Variants in SLIT3 observed in about 807,000 individuals in gnomAD.
The protein encoded by SLIT3 is slit homolog 3 protein.
A neutral mutation model predicts 184.0 loss-of-function variants in SLIT3; 68 were observed. The ratio of observed to expected loss-of-function variants is 0.37; its 90% CI spans 0.30 to 0.45. The LOEUF (loss-of-function observed/expected upper bound fraction) is 0.45, where lower values mean the gene tolerates loss of function less well. Among genes scored for constraint, SLIT3 ranks in the 20% least tolerant of loss-of-function variants. The pLI, the probability that SLIT3 is intolerant of heterozygous loss-of-function variation, is 1.00. For missense variants in SLIT3, 1,707 were observed against 2,026.0 expected (o/e 0.84, Z 3.02); for synonymous variants, 831 against 828.6 (o/e 1.00, Z -0.05).
intron 4 of SLIT3, among the ~76,000 whole-genome samples, chr5:168,887,835 C>G (rs571478472): frequency 6.6e-6 from 1 of 152,310 alleles, no homozygotes; most frequent in African/African-American, 2.4e-5. Flanking sequence ...CCATTTAGCA[C>G]TGGATTGACA....
At chr5:168,859,220 C>G (rs995320413) in intron 5 of SLIT3, among the ~76,000 whole-genome samples, 1 of 152,066 alleles carries the variant, frequency 6.6e-6, no homozygotes, top group Non-Finnish European at 1.5e-5. Context: ...ATTAACCCCT[C>G]CAAGAAGAGA....
chr5:168,884,986 T>C (rs1173470051), intron 4 of SLIT3, among the ~76,000 whole-genome samples: 1 of 152,096 alleles, frequency 6.6e-6, no homozygotes, highest in Non-Finnish European at 1.5e-5. Context: ...CCAGTTATAT[T>C]TGGCAGGAGA....
chr5:169,048,517 T>G (rs914800562), intron 4 of SLIT3, among the ~76,000 whole-genome samples: 1 of 152,190 alleles, frequency 6.6e-6, no homozygotes, highest in African/African-American at 2.4e-5. Context: ...TGGATTTCCT[T>G]AAACCAGCCA....
At chr5:168,844,743 A>G (rs915880290) in intron 5 of SLIT3, 88 bp from the exon 6 acceptor site, 2 of 1,218,266 alleles carry the variant, frequency 1.6e-6, no homozygotes, top group African/African-American at 3.0e-5. Flanking sequence ...CTGTCCCTCC[A>G]CCCCCTTGCA....
intron 4 of SLIT3, among the ~76,000 whole-genome samples, chr5:169,103,481 G>C (rs1198926686): frequency 3.9e-5 from 6 of 152,170 alleles, no homozygotes; most frequent in Non-Finnish European, 5.9e-5. Context: ...AACTCTGCCT[G>C]GTGAGTTTTG....
intron 4 of SLIT3, among the ~76,000 whole-genome samples, chr5:168,888,989 C>T (rs891038023): frequency 6.6e-5 from 10 of 152,328 alleles, no homozygotes; most frequent in Admixed American, 3.9e-4. Context: ...ACTCTCAATA[C>T]TACCATCTTA....
rs115551190 is a variant in SLIT3, at chr5:169,006,632, A to C, written c.414-123296T>G. 1.2e-3 allele frequency among the ~76,000 whole-genome samples: 165 copies of C among 133,038 alleles called. 2 individuals are homozygous for C. The highest frequency in any genetic ancestry group is 4.1e-3 in the African/African-American group (137 of 33,508). The allele number at this position is 133,038 out of a possible 152,430, so 87.3% of individuals were successfully genotyped here. ...ACACACACACACACACACACACACAACTCTCCAAGCACAAAGAGCTGACAA... is the reference window on the plus strand; with the variant it reads ...ACACACACACACACACACACACACACCTCTCCAAGCACAAAGAGCTGACAA... On this transcript the variant is annotated intron_variant, in intron 4 of 35. Coordinates refer to ENST00000519560, the MANE Select transcript of SLIT3 (RefSeq NM_003062.4).
At chr5:169,112,725 C>G (rs146496614) in intron 4 of SLIT3, among the ~76,000 whole-genome samples, 289 of 152,268 alleles carry the variant, frequency 1.9e-3, no homozygotes, top group African/African-American at 6.7e-3. Context: ...CAGAGAGGGG[C>G]ACCCAATGGG....
At chr5:168,889,359 A>G (rs1278794930) in intron 4 of SLIT3, among the ~76,000 whole-genome samples, 1 of 152,214 alleles carries the variant, frequency 6.6e-6, no homozygotes, top group Non-Finnish European at 1.5e-5. Context: ...CCTTTGTCTG[A>G]GGAAGATTAC....
intron 4 of SLIT3, among the ~76,000 whole-genome samples, chr5:168,933,706 G>T (rs2113174515): frequency 6.6e-6 from 1 of 152,330 alleles, no homozygotes; most frequent in Admixed American, 6.5e-5. Context: ...CCGAAGCATT[G>T]ATGTGAGTAA....
chr5:168,762,751 TGGGTAGTGGGGGTGGGAGACAGAGATG>T, intron 14 of SLIT3, 62 bp from the exon 15 acceptor site: 1 of 1,556,304 alleles, frequency 6.4e-7, no homozygotes, highest in South Asian at 1.1e-5. Flanking sequence ...CCCCAGGTTG[TGGGTAGTGGGGGTGGGAGACAGAGATG>T]GGGGAATGAG....
chr5:168,847,368 A>G (rs1194824090), intron 5 of SLIT3, among the ~76,000 whole-genome samples: 3 of 152,202 alleles, frequency 2.0e-5, no homozygotes, highest in African/African-American at 7.2e-5. Flanking sequence ...TCCAACCATG[A>G]TGGTCAAGGA....
chr5:168,826,364 G>A (rs764800032), intron 6 of SLIT3, among the ~76,000 whole-genome samples: 1 of 152,170 alleles, frequency 6.6e-6, no homozygotes, highest in Non-Finnish European at 1.5e-5. Context: ...TACAGTTTTC[G>A]TTTCCCTAAT....
chr5:169,010,711 G>A (rs1379810568), intron 4 of SLIT3, among the ~76,000 whole-genome samples: 1 of 152,060 alleles, frequency 6.6e-6, no homozygotes, highest in African/African-American at 2.4e-5. Flanking sequence ...AGACCAGCCT[G>A]GGCAACATGG....
chr5:169,215,067 A>C (rs1764390883), intron 3 of SLIT3, among the ~76,000 whole-genome samples: 2 of 152,108 alleles, frequency 1.3e-5, no homozygotes, highest in South Asian at 4.2e-4. Context: ...TCCCTATAAT[A>C]CAAACTTAAT....
At chr5:168,783,766 T>C (rs1433775510) in intron 12 of SLIT3, among the ~76,000 whole-genome samples, 2 of 152,148 alleles carry the variant, frequency 1.3e-5, no homozygotes, top group Non-Finnish European at 2.9e-5. Context: ...AACCACTCAA[T>C]GGCAGGTCAA....
intron 4 of SLIT3, among the ~76,000 whole-genome samples, chr5:169,071,411 C>T (rs111425396): frequency 1.3e-5 from 2 of 152,220 alleles, no homozygotes; most frequent in South Asian, 4.1e-4. Context: ...TAATTAAACT[C>T]TTATTTTGGG....
intron 1 of SLIT3, among the ~76,000 whole-genome samples, chr5:169,259,008 C>T (rs1234032467): frequency 2.0e-5 from 3 of 152,208 alleles, no homozygotes; most frequent in Admixed American, 2.0e-4. Context: ...ATTGTTGTTG[C>T]TGTGACTTTT....
rs140534896 is a variant in SLIT3, at chr5:169,017,179, A to G, written c.414-133843T>C. 9.0e-4 allele frequency among the ~76,000 whole-genome samples: 137 copies of G among 152,358 alleles called. 2 individuals are homozygous for G. Among genetic ancestry groups the G allele is most frequent in the African/African-American group, 3.2e-3 (133 of 41,598 alleles). ...AATCACTTTGCCCTGGAAAGAGGTC[A>G]GGCAAATTCGTGGCATAGACAGACC... On this transcript the variant is annotated intron_variant, in intron 4 of 35. Transcript: ENST00000519560.
Sources: gnomAD v4.1 joint callset for allele counts (sites outside exome capture counted in the v4.1 genomes callset) on GRCh38, gnomAD v4.1.1 for gene constraint, MANE v1.5 for transcripts, NCBI Gene and HGNC (gene_info 2026-07-23, HGNC 2026-07-21) for gene names.